Variants in MROH1 observed in about 807,000 individuals in gnomAD.
MROH1 encodes the protein maestro heat-like repeat-containing protein family member 1.
In MROH1, 117 loss-of-function variants were observed where a neutral mutation model predicts 116.5. That is an observed-to-expected ratio of 1.00 (90% CI 0.86 to 1.17). The LOEUF (loss-of-function observed/expected upper bound fraction) is 1.17. MROH1 is among the 50% of genes most tolerant of loss of function. The pLI is 0.00. For missense variants in MROH1, 1,873 were observed against 1,338.5 expected (o/e 1.40, Z -6.23); for synonymous variants, 921 against 583.9 (o/e 1.58, Z -8.32).
At chr8:144,247,881 C>T (rs1284000817) in intron 31 of MROH1, among the ~76,000 whole-genome samples, 2 of 152,256 alleles carry the variant, frequency 1.3e-5, no homozygotes, top group African/African-American at 4.8e-5. Context: ...TACGCTGGGG[C>T]AGTGCAGTCC....
chr8:144,235,914 T>C (rs931325855), intron 14 of MROH1, among the ~76,000 whole-genome samples: 1 of 152,350 alleles, frequency 6.6e-6, no homozygotes, highest in African/African-American at 2.4e-5. Flanking sequence ...GACTACTAAA[T>C]ATCTTGTTTA....
rs186001289 is a variant in MROH1, at chr8:144,215,184, C to T, written c.1142-5416C>T. Among the ~76,000 whole-genome samples the T allele has an allele frequency of 2.4e-4, 37 of 152,356 alleles. No homozygotes were observed. In the East Asian group the frequency reaches 5.8e-3, roughly 24 times the overall value. ...TCTAATTAAGTTGACACTCAACTATCAACCATCAAACTTTTTAATCTTTTA... is the reference window on the plus strand; with the variant it reads ...TCTAATTAAGTTGACACTCAACTATTAACCATCAAACTTTTTAATCTTTTA... On this transcript the variant is annotated intron_variant, in intron 12 of 43. Coordinates refer to ENST00000326134, the MANE Select transcript of MROH1 (RefSeq NM_032450.3).
At position 144,244,428 on chromosome 8, in the gene MROH1, C is replaced by A; in HGVS notation, c.2671-16C>A. Reference sequence around the variant, plus strand: ...GGGGTCACTGGTGGGGCTGGACGGCCTGGCTCTCCTTCCAGTCCCTGTATC... The same window carrying A: ...GGGGTCACTGGTGGGGCTGGACGGCATGGCTCTCCTTCCAGTCCCTGTATC... On this transcript the variant is annotated splice_polypyrimidine_tract_variant and intron_variant, in intron 27 of 43. Transcript: ENST00000326134. 6 of 745,706 alleles carry A rather than the reference C, an allele frequency of 8.0e-6. No individual in the cohort carries two copies. The highest frequency in any genetic ancestry group is 1.5e-5 in the Non-Finnish European group (6 of 400,402). The allele number at this position is 745,706 out of a possible 1,614,324, so 46.2% of individuals were successfully genotyped here.
chr8:144,159,729 T>C (rs1819026851), intron 1 of MROH1, among the ~76,000 whole-genome samples: 1 of 151,866 alleles, frequency 6.6e-6, no homozygotes, highest in South Asian at 2.1e-4. Context: ...ATCCTCACAA[T>C]GGGTTGGATT....
chr8:144,182,191 A>G lies in MROH1; in HGVS notation c.562+1668A>G, dbSNP rs892880008. Among the ~76,000 whole-genome samples, 4 of 152,194 alleles carry G rather than the reference A, an allele frequency of 2.6e-5. No individual in the cohort carries two copies. The highest frequency in any genetic ancestry group is 4.4e-5 in the Non-Finnish European group (3 of 68,028). On this transcript the variant is annotated intron_variant, in intron 7 of 43. Transcript: ENST00000326134. The surrounding 1 kb of genome is among the most constrained non-coding windows in gnomAD (Gnocchi z 4.1). ...TGGGGGCGGTGGCAGGCCTGCGTCC[A>G]CTGCGGGAGGGTGCAGGTCCAGCCA...
chr8:144,235,887 C>T (rs1839958460), intron 14 of MROH1, among the ~76,000 whole-genome samples: 2 of 152,192 alleles, frequency 1.3e-5, no homozygotes, highest in Non-Finnish European at 1.5e-5. Context: ...ATTGAGACAT[C>T]GTGTCCCTTT....
intron 33 of MROH1, chr8:144,252,108 C>G: frequency 5.9e-6 from 1 of 168,758 alleles, no homozygotes; most frequent in Non-Finnish European, 1.3e-5. Context: ...GTGTGTGTTT[C>G]TAGGTGATGG....
At chr8:144,221,670 C>G (rs1006866781) in intron 13 of MROH1, among the ~76,000 whole-genome samples, 2 of 152,158 alleles carry the variant, frequency 1.3e-5, no homozygotes, top group Non-Finnish European at 2.9e-5. Context: ...CAGAGCTCTT[C>G]TCCCCACCGT....
chr8:144,174,606 C>T (rs1452894357), intron 4 of MROH1, among the ~76,000 whole-genome samples: 1 of 151,874 alleles, frequency 6.6e-6, no homozygotes, highest in Non-Finnish European at 1.5e-5. Context: ...GCTTCAGCCT[C>T]CGAAGTAGCT....
At chr8:144,149,089 A>C (rs1816113023) in intron 1 of MROH1, among the ~76,000 whole-genome samples, 1 of 152,028 alleles carries the variant, frequency 6.6e-6, no homozygotes, top group Non-Finnish European at 1.5e-5. Flanking sequence ...CAGTGCGATG[A>C]CCATGGATGG....
intron 33 of MROH1, chr8:144,251,503 G>C (rs1404352887): frequency 2.6e-5 from 4 of 152,204 alleles, no homozygotes; most frequent in Non-Finnish European, 5.9e-5. Context: ...GCAGTCTGTT[G>C]CTTTTCTTTT....
intron 12 of MROH1, among the ~76,000 whole-genome samples, chr8:144,217,254 G>T (rs1300740690): frequency 6.6e-6 from 1 of 152,196 alleles, no homozygotes; most frequent in East Asian, 1.9e-4. Context: ...GTGCTAAAAG[G>T]TGACACCTGT....
rs988773744 is a variant in MROH1, at chr8:144,260,844, G to A, written c.4536+12G>A. ...CCACCGTGGCCAGCGTGAGTAGCCA[G>A]GGGGTGAGTGGGATGGGGTGGGTGG... On this transcript the variant is annotated intron_variant, in intron 40 of 43. Transcript: ENST00000326134. The A allele has an allele frequency of 3.2e-5, 25 of 777,650 alleles. No homozygotes were observed. The East Asian group carries it at 5.1e-4, about 16-fold the overall frequency. 48.2% of individuals were successfully genotyped at this position (777,650 alleles called of 1,614,324 possible).
At chr8:144,162,768 G>A (rs769097716) in intron 2 of MROH1, among the ~76,000 whole-genome samples, 18 of 151,406 alleles carry the variant, frequency 1.2e-4, no homozygotes, top group Admixed American at 7.2e-4. Flanking sequence ...TGTCGCTCAG[G>A]CTGCAGTGCA....
intron 4 of MROH1, 117 bp downstream of exon 4, chr8:144,168,557 G>C: frequency 8.0e-7 from 1 of 1,250,244 alleles, no homozygotes; most frequent in South Asian, 1.5e-5. Context: ...CGCAGGGGTG[G>C]CCACATGTCT....
Position 144,192,399 on chromosome 8 carries a change from C to A in MROH1, c.946C>A (p.Gln316Lys). ...LDALLAALHSQICVPVESSSP... is the reference protein window; with the variant it reads ...LDALLAALHSKICVPVESSSP... ...TGCCCTCTTGGCTGCACTGCACTCC[C>A]AGGTAGGAGGCGGGCGTCAGGGGGC... The change falls in exon 10 of 44, where the codon CAG (glutamine) becomes AAG (lysine). Residue 316 changes from glutamine to lysine, a missense_variant and splice_region_variant. Coordinates refer to ENST00000326134, the MANE Select transcript of MROH1 (RefSeq NM_032450.3). 6.3e-7 allele frequency: 1 copy of A among 1,587,018 alleles called. No individual in the cohort carries two copies. Among genetic ancestry groups the A allele is most frequent in the East Asian group, 2.3e-5 (1 of 44,076 alleles).
intron 7 of MROH1, among the ~76,000 whole-genome samples, chr8:144,183,522 CAGA>C (rs1826192899): frequency 6.6e-6 from 1 of 151,722 alleles, no homozygotes; most frequent in Non-Finnish European, 1.5e-5. Context: ...TCTGATCAAT[CAGA>C]AGGAGAAACC....
intron 12 of MROH1, among the ~76,000 whole-genome samples, chr8:144,203,546 C>CGCTCTCT (rs1170222498): frequency 1.3e-5 from 2 of 151,680 alleles, no homozygotes; most frequent in Non-Finnish European, 2.9e-5. Flanking sequence ...GAGGAGCGCC[C>CGCTCTCT]GCTCTCTGGA....
At chr8:144,259,040 T>G in intron 36 of MROH1, 126 bp downstream of exon 36, 1 of 643,114 alleles carries the variant, frequency 1.6e-6, no homozygotes, top group South Asian at 1.7e-5. Flanking sequence ...GGCTCCTGCC[T>G]GTTCACTCTC....
Sources: gnomAD v4.1 joint callset for allele counts (sites outside exome capture counted in the v4.1 genomes callset) on GRCh38, gnomAD v4.1.1 for gene constraint, Gnocchi (gnomAD v3.1) non-coding constraint, MANE v1.5 for transcripts, NCBI Gene and HGNC (gene_info 2026-07-23, HGNC 2026-07-21) for gene names.